MAST4: variants seen among roughly 807,000 people sequenced by gnomAD.
MAST4 encodes microtubule-associated serine/threonine-protein kinase 4.
In MAST4, 89 loss-of-function variants were observed where a neutral mutation model predicts 162.7. The observed-to-expected ratio is 0.55, with a 90% CI of 0.46 to 0.65. The LOEUF is 0.65. MAST4 is among the 30% of genes least tolerant of loss of function. The pLI is 0.00. For synonymous variants in MAST4, 1,479 were observed against 1,361.1 expected (o/e 1.09, Z -1.91); for missense variants, 3,153 against 3,374.0 (o/e 0.93, Z 1.62).
chr5:66,764,626 AAAGTT>A (rs1754004565), intron 2 of MAST4, among the ~76,000 whole-genome samples: 1 of 152,142 alleles, frequency 6.6e-6, no homozygotes, highest in Non-Finnish European at 1.5e-5. Context: ...TTTAAACAAA[AAAGTT>A]TAAAAAGTAA....
chr5:66,612,852 C>T lies in MAST4; in HGVS notation c.363+15834C>T, dbSNP rs567695024. 4.8e-3 allele frequency among the ~76,000 whole-genome samples: 734 copies of T among 152,244 alleles called. 6 individuals are homozygous for T. Among genetic ancestry groups the T allele is most frequent in the Non-Finnish European group, 6.5e-3 (440 of 68,020 alleles). ...TAAATAGTTACAGTCTTAAAGTCTT[C>T]TGCTTTTCTCTTTAAAAGTCATATT... On this transcript the variant is annotated intron_variant, in intron 1 of 28. Coordinates refer to ENST00000403625, the MANE Select transcript of MAST4 (RefSeq NM_001164664.2).
At chr5:67,048,383 CATTCATCCAAAAGTATA>C (rs762575630) in intron 4 of MAST4, among the ~76,000 whole-genome samples, 6 of 152,106 alleles carry the variant, frequency 3.9e-5, no homozygotes, top group Admixed American at 6.5e-5. Context: ...ATTCTGTAGA[CATTCATCCAAAAGTATA>C]ATTCATCCAA....
intron 1 of MAST4, among the ~76,000 whole-genome samples, chr5:66,612,147 A>G (rs1743330302): frequency 6.6e-6 from 1 of 152,210 alleles, no homozygotes; most frequent in Non-Finnish European, 1.5e-5. Context: ...CAGTGTTTAA[A>G]GTACTGGGGA....
At chr5:67,010,996 A>G (rs1752603055) in intron 4 of MAST4, among the ~76,000 whole-genome samples, 1 of 152,082 alleles carries the variant, frequency 6.6e-6, no homozygotes, top group Non-Finnish European at 1.5e-5. Context: ...TCCTCCCTGA[A>G]TCATATCCCC....
chr5:66,899,896 A>G (rs1762900285), intron 3 of MAST4, 55 bp from the exon 4 acceptor site: 6 of 1,369,786 alleles, frequency 4.4e-6, no homozygotes, highest in South Asian at 1.4e-5. Context: ...TTGGTATCCT[A>G]GTAATCTAAG....
Position 66,887,936 on chromosome 5 carries a change from C to T in MAST4, c.643-12015C>T, listed in dbSNP as rs141404649. The stretch of plus-strand genomic sequence containing the variant: ...TTAAAATAGTACATTGGGCTGGGCG[C>T]GGTGGCTCACGCCTGTAATCCCAGC... On this transcript the variant is annotated intron_variant, in intron 3 of 28. Transcript: ENST00000403625. Among the ~76,000 whole-genome samples the T allele has an allele frequency of 2.1e-3, 324 of 152,088 alleles. 3 individuals are homozygous for T. The highest frequency in any genetic ancestry group is 7.3e-3 in the African/African-American group (303 of 41,500).
chr5:66,908,338 G>C (rs1050188494), intron 4 of MAST4, among the ~76,000 whole-genome samples: 2 of 152,138 alleles, frequency 1.3e-5, no homozygotes, highest in Admixed American at 1.3e-4. Flanking sequence ...TTGTCCCAGG[G>C]GAGAGGGTTA....
At chr5:67,009,620 A>G (rs1050590452) in intron 4 of MAST4, among the ~76,000 whole-genome samples, 1 of 152,266 alleles carries the variant, frequency 6.6e-6, no homozygotes, top group East Asian at 1.9e-4. Flanking sequence ...AATGACTGGC[A>G]TGTAAAAATT....
At chr5:66,899,560 C>T (rs963080884) in intron 3 of MAST4, among the ~76,000 whole-genome samples, 1 of 152,036 alleles carries the variant, frequency 6.6e-6, no homozygotes, top group African/African-American at 2.4e-5. Context: ...TACATTGCAC[C>T]TTTCATTTAA....
Position 66,596,741 on chromosome 5 carries a change from T to G in MAST4, c.86T>G (p.Val29Gly). The G allele has an allele frequency of 7.1e-7, 1 of 1,410,768 alleles. No homozygotes were observed. The highest frequency in any genetic ancestry group is 2.8e-5 in the East Asian group (1 of 36,030). The allele number at this position is 1,410,768 out of a possible 1,614,324, so 87.4% of individuals were successfully genotyped here. A position where few individuals can be genotyped will look rare whatever the true frequency, so the allele number is the denominator to read the frequency against. Reference protein sequence around the residue: ...HGSRTPASALVAASSPGASSA... With the variant: ...HGSRTPASALGAASSPGASSA... Reference sequence around the variant, plus strand: ...AGCCGGACTCCAGCCTCTGCGCTGGTCGCCGCGTCCTCTCCGGGTGCTTCC... The same window carrying G: ...AGCCGGACTCCAGCCTCTGCGCTGGGCGCCGCGTCCTCTCCGGGTGCTTCC... Residue 29 changes from valine (V) to glycine (G), a missense_variant, in exon 1 of 29, where the codon GTC becomes GGC. Physicochemically the swap from Val to Gly is moderately radical, Grantham distance 109. Coordinates refer to ENST00000403625, the MANE Select transcript of MAST4 (RefSeq NM_001164664.2).
intron 4 of MAST4, among the ~76,000 whole-genome samples, chr5:67,046,782 T>C (rs1244833926): frequency 1.3e-5 from 2 of 152,232 alleles, no homozygotes; most frequent in Non-Finnish European, 2.9e-5. Flanking sequence ...TTTCTCTAGC[T>C]ATTGAAATTA....
chr5:67,077,716 A>G (rs559640804), intron 5 of MAST4, among the ~76,000 whole-genome samples: 60 of 152,366 alleles, frequency 3.9e-4, no homozygotes, highest in African/African-American at 1.4e-3. Flanking sequence ...TTGATTAGCC[A>G]TTTGGAAAAG....
chr5:66,612,830 A>G (rs1743382433), intron 1 of MAST4, among the ~76,000 whole-genome samples: 1 of 152,210 alleles, frequency 6.6e-6, no homozygotes, highest in Non-Finnish European at 1.5e-5. Context: ...TTTGCTATAA[A>G]TAGTTACAGT....
intron 4 of MAST4, chr5:66,930,887 G>T: frequency 2.3e-6 from 1 of 437,774 alleles, no homozygotes; most frequent in South Asian, 1.7e-5. Flanking sequence ...AACTGAGCTT[G>T]TATACTTGGT....
chr5:66,740,509 G>C (rs769804960), intron 1 of MAST4, among the ~76,000 whole-genome samples: 2 of 152,188 alleles, frequency 1.3e-5, no homozygotes, highest in Non-Finnish European at 2.9e-5. Flanking sequence ...TGTTACATCT[G>C]TGCTTGGCTC....
chr5:67,165,122 C>T lies in MAST4; in HGVS notation c.5943C>T (p.Ala1981=). 6.3e-7 allele frequency: 1 copy of T among 1,588,718 alleles called. No homozygotes were observed. Among genetic ancestry groups the T allele is most frequent in the Non-Finnish European group, 8.6e-7 (1 of 1,167,312 alleles). The part of the protein sequence containing the change: ...RESSERGPPT[A]RSERSAARAD... The stretch of plus-strand genomic sequence containing the variant: ...CGTCTGAAAGAGGCCCTCCCACAGC[C>T]AGAAGCGAGCGCTCTGCTGCGAGGG... Residue 1981 remains alanine (A), a synonymous_variant, in exon 29 of 29, where the codon GCC becomes GCT. Transcript: ENST00000403625.
chr5:66,708,008 CAACTCTG>C (rs1314672461), intron 1 of MAST4, among the ~76,000 whole-genome samples: 1 of 152,202 alleles, frequency 6.6e-6, no homozygotes, highest in East Asian at 1.9e-4. Context: ...CTTTACACGT[CAACTCTG>C]GTCCCCACAA....
intron 2 of MAST4, among the ~76,000 whole-genome samples, chr5:66,779,827 C>T (rs1033059322): frequency 3.9e-5 from 6 of 152,150 alleles, no homozygotes; most frequent in African/African-American, 9.7e-5. Flanking sequence ...TGACTCTTTG[C>T]GGTCTTTGCC....
At chr5:66,750,110 A>G (rs886293040) in intron 1 of MAST4, among the ~76,000 whole-genome samples, 4 of 152,216 alleles carry the variant, frequency 2.6e-5, no homozygotes, top group Admixed American at 6.5e-5. Context: ...TAACTGAACA[A>G]TGTCTTCATA....
Sources: gnomAD v4.1 joint callset for allele counts (sites outside exome capture counted in the v4.1 genomes callset) on GRCh38, gnomAD v4.1.1 for gene constraint, MANE v1.5 for transcripts, NCBI Gene and HGNC (gene_info 2026-07-23, HGNC 2026-07-21) for gene names.